The following MASP1 variants were observed in gnomAD, a reference collection of about 807,000 sequenced individuals.
MASP1 encodes the protein mannan-binding lectin serine protease 1.
MASP1 carries 59 observed loss-of-function variants against 77.1 expected under a neutral mutation model. The ratio of observed to expected loss-of-function variants is 0.77; its 90% CI spans 0.62 to 0.95. MASP1 has a LOEUF of 0.95. Among genes scored for constraint, MASP1 ranks in the 40% least tolerant of loss-of-function variants. MASP1 has a pLI of 0.00. For missense variants in MASP1, 885 were observed against 912.9 expected (o/e 0.97, Z 0.39); for synonymous variants, 362 against 354.5 (o/e 1.02, Z -0.24).
downstream of MASP1, among the ~76,000 whole-genome samples, chr3:187,232,008 G>C (rs2108508454): frequency 6.6e-6 from 1 of 152,296 alleles, no homozygotes; most frequent in East Asian, 1.9e-4. Context: ...CAAAGGAAGA[G>C]AGAAGTCCTA....
At chr3:187,261,386 T>A (rs973429803) in intron 3 of MASP1, among the ~76,000 whole-genome samples, 2 of 152,202 alleles carry the variant, frequency 1.3e-5, no homozygotes, top group Non-Finnish European at 2.9e-5. Flanking sequence ...TTTCTGCCCC[T>A]AATGTGGGTC....
chr3:187,285,580 A>G (rs565141946), intron 2 of MASP1, among the ~76,000 whole-genome samples: 2 of 151,984 alleles, frequency 1.3e-5, no homozygotes, highest in Non-Finnish European at 2.9e-5. Context: ...TGAGAACAGG[A>G]AGAAAGAAGG....
At chr3:187,224,340 A>AC (rs1712250318) in intron 13 of MASP1, among the ~76,000 whole-genome samples, 1 of 102,064 alleles carries the variant, frequency 9.8e-6, no homozygotes, top group Non-Finnish European at 1.9e-5. Flanking sequence ...TGTGCTGAGT[A>AC]TTTTTTTTTT....
chr3:187,240,112 G>GC (rs1713506935), intron 10 of MASP1, among the ~76,000 whole-genome samples: 2 of 151,740 alleles, frequency 1.3e-5, no homozygotes, highest in South Asian at 4.2e-4. Flanking sequence ...TGATTGTGAG[G>GC]CCCCTCCAGC....
Position 187,262,626 on chromosome 3 carries a change from C to T in MASP1, c.332G>A (p.Gly111Asp), listed in dbSNP as rs1715688241. The T allele has an allele frequency of 6.2e-7, 1 of 1,614,056 alleles. No homozygotes were observed. The highest frequency in any genetic ancestry group is 1.1e-5 in the South Asian group (1 of 91,060). The change falls in exon 3 of 11, where the codon GGC becomes GAC. Residue 111 changes from glycine (G) to aspartate (D), a missense_variant. Coordinates refer to ENST00000296280, the MANE Select transcript of MASP1 (RefSeq NM_139125.4). ...CCGGAAAGTGATGGACATGAAGGAG[C>T]CAGGGGAGAGGACCACCTCCTGGCC... is the stretch of plus-strand genomic sequence containing the variant. ...TPGQEVVLSP[G>D]SFMSITFRSD...
At chr3:187,273,734 T>C (rs138159123) in intron 2 of MASP1, among the ~76,000 whole-genome samples, 1 of 152,306 alleles carries the variant, frequency 6.6e-6, no homozygotes, top group Admixed American at 6.5e-5. Flanking sequence ...AACTTGGGTC[T>C]AGAAACGAAG....
At chr3:187,256,377 G>A (rs1322198017) in intron 5 of MASP1, among the ~76,000 whole-genome samples, 1 of 152,214 alleles carries the variant, frequency 6.6e-6, no homozygotes, top group Non-Finnish European at 1.5e-5. Context: ...GGCATGGGAG[G>A]CGTGCTCATG....
chr3:187,220,262 C>T lies in MASP1; in HGVS notation c.1910-1G>A, dbSNP rs776362222. The stretch of plus-strand genomic sequence containing the variant: ...TCACCCGCACAGGCGTCCTTTCCCC[C>T]TAGGTGAAAAAGAGACATAGATGAA... On this transcript the variant is annotated splice_acceptor_variant, in intron 15 of 15. Coordinates refer to the MASP1 transcript ENST00000337774. LOFTEE classifies it high-confidence loss of function. The T allele has an allele frequency of 1.2e-6, 2 of 1,613,750 alleles. No individual in the cohort carries two copies. The highest frequency in any genetic ancestry group is 1.7e-6 in the Non-Finnish European group (2 of 1,179,898).
intron 8 of MASP1, chr3:187,246,841 A>G (rs886848481): frequency 9.9e-7 from 1 of 1,006,916 alleles, no homozygotes; most frequent in Non-Finnish European, 1.2e-6. Context: ...ACACTCTGTG[A>G]GTTATTATTT....
At chr3:187,246,512 C>T (rs698090) in intron 8 of MASP1, 616,638 of 985,056 alleles carry the variant, frequency 0.63, 195,017 homozygotes, top group Admixed American at 0.72. Context: ...CCAAATAGAT[C>T]GGGCAGTCCA....
chr3:187,291,699 G>A lies in MASP1; in HGVS notation c.-67C>T, dbSNP rs369042881. 8.5e-5 allele frequency: 136 copies of A among 1,598,108 alleles called. 2 individuals are homozygous for A. The South Asian group carries it at 1.3e-3, about 15-fold the overall frequency. The stretch of plus-strand genomic sequence containing the variant: ...CCCAGCTTGACTTGCCTGTGAGCTC[G>A]TGCCCGGTGTGGTGTCCGTGATGCC... On this transcript the variant is annotated 5_prime_UTR_variant, in exon 1 of 11. It adds an upstream start codon to the 5' untranslated region. Coordinates refer to ENST00000296280, the MANE Select transcript of MASP1 (RefSeq NM_139125.4).
Position 187,262,676 on chromosome 3 carries a change from C to T in MASP1, c.282G>A (p.Glu94=). 1 of 1,614,082 alleles carries T rather than the reference C, an allele frequency of 6.2e-7. No individual in the cohort carries two copies. The highest frequency in any genetic ancestry group is 8.5e-7 in the Non-Finnish European group (1 of 1,180,004). Residue 94 remains glutamate (E), a synonymous_variant, in exon 3 of 11, where the codon GAG becomes GAA. Coordinates refer to ENST00000296280, the MANE Select transcript of MASP1 (RefSeq NM_139125.4). ...CGGGAGTCTGCTCTGTGTCTGTGGT[C>T]TCCCTGCCACAGAAGGTTGCCAGCA... ...DQVLATFCGR[E]TTDTEQTPGQ...
At position 187,286,567 on chromosome 3, in the gene MASP1, A is replaced by G. The variant is rs538915410; in HGVS notation, c.6-511T>C. 3.2e-4 allele frequency among the ~76,000 whole-genome samples: 48 copies of G among 152,370 alleles called. 1 individual carries two copies. In the South Asian group the frequency reaches 7.7e-3, roughly 24 times the overall value. ...TCTTTAATAAAGAAAGAATAAGCAA[A>G]GCAAGTTTTCTTCCTCTTGGTAAAA... On this transcript the variant is annotated intron_variant, in intron 1 of 10. Coordinates refer to ENST00000296280, the MANE Select transcript of MASP1 (RefSeq NM_139125.4).
chr3:187,225,299 C>T, intron 13 of MASP1: 1 of 1,611,940 alleles, frequency 6.2e-7, no homozygotes, highest in Non-Finnish European at 8.5e-7. Flanking sequence ...AGCTGCCCTG[C>T]AGAGGTGGAG....
At chr3:187,232,994 A>G (rs1357661994), downstream of MASP1, among the ~76,000 whole-genome samples, 1 of 152,218 alleles carries the variant, frequency 6.6e-6, no homozygotes, top group Non-Finnish European at 1.5e-5. Flanking sequence ...TTATCAAGAG[A>G]TGCCTATAGG....
chr3:187,274,805 G>T (rs372383271), intron 2 of MASP1, among the ~76,000 whole-genome samples: 5 of 152,296 alleles, frequency 3.3e-5, no homozygotes, highest in African/African-American at 9.6e-5. Flanking sequence ...TGCCAGGAAG[G>T]ATTGCCCATT....
At chr3:187,277,057 G>T (rs1209356212) in intron 2 of MASP1, among the ~76,000 whole-genome samples, 2 of 152,136 alleles carry the variant, frequency 1.3e-5, no homozygotes, top group African/African-American at 4.8e-5. Context: ...TGAGGGAAGG[G>T]GCATTGGACT....
intron 2 of MASP1, among the ~76,000 whole-genome samples, chr3:187,277,542 C>T (rs919952665): frequency 6.6e-6 from 1 of 152,082 alleles, no homozygotes; most frequent in African/African-American, 2.4e-5. Context: ...ATCATCTTGA[C>T]AAATAGAGTA....
chr3:187,287,950 T>A (rs1717991192), intron 1 of MASP1, among the ~76,000 whole-genome samples: 1 of 152,170 alleles, frequency 6.6e-6, no homozygotes. Context: ...TTACATAAAG[T>A]GTAAATAGGT....
Sources: allele counts gnomAD v4.1 joint callset (sites outside exome capture counted in the v4.1 genomes callset), GRCh38; gene constraint gnomAD v4.1.1; transcripts MANE v1.5; gene names NCBI Gene and HGNC (gene_info 2026-07-23, HGNC 2026-07-21).